The following SNTG1 variants were observed in gnomAD, a reference collection of about 807,000 sequenced individuals.
The protein encoded by SNTG1 is syntrophin gamma 1, also known as gamma-1-syntrophin.
In SNTG1, 39 loss-of-function variants were observed where a neutral mutation model predicts 74.7. The observed-to-expected ratio is 0.52, with a 90% confidence interval of 0.40 to 0.68. The LOEUF (loss-of-function observed/expected upper bound fraction) is 0.68. Ranked by LOEUF, SNTG1 falls within the 30% of genes least tolerant of loss-of-function variation. SNTG1 has a pLI of 0.00. For synonymous variants in SNTG1, 254 were observed against 217.1 expected (o/e 1.17, Z -1.49); for missense variants, 685 against 609.5 (o/e 1.12, Z -1.30).
chr8:50,249,073 G>C (rs2086527653), intron 2 of SNTG1, among the ~76,000 whole-genome samples: 1 of 152,026 alleles, frequency 6.6e-6, no homozygotes, highest in Admixed American at 6.6e-5. Context: ...TACTAGATCA[G>C]ATCACAGACA....
intron 9 of SNTG1, among the ~76,000 whole-genome samples, chr8:50,509,192 G>T (rs1198870819): frequency 4.6e-5 from 7 of 152,110 alleles, no homozygotes; most frequent in Admixed American, 1.3e-4. Flanking sequence ...TTTCCCCATT[G>T]CTTGTTTTTG....
At chr8:50,503,637 G>T (rs766317818) in intron 9 of SNTG1, among the ~76,000 whole-genome samples, 1 of 151,902 alleles carries the variant, frequency 6.6e-6, no homozygotes, top group African/African-American at 2.4e-5. Flanking sequence ...TTTTATTCTG[G>T]CGTCTTTCAT....
At chr8:50,336,660 C>G (rs961857123) in intron 2 of SNTG1, among the ~76,000 whole-genome samples, 10 of 152,114 alleles carry the variant, frequency 6.6e-5, no homozygotes, top group African/African-American at 2.4e-4. Flanking sequence ...TATGGTAAAC[C>G]CACACTATGT....
intron 1 of SNTG1, among the ~76,000 whole-genome samples, chr8:49,992,173 C>T (rs561869454): frequency 1.3e-5 from 2 of 152,076 alleles, no homozygotes; most frequent in South Asian, 4.2e-4. Context: ...AGAGACTTTC[C>T]AAATTACATT....
intron 9 of SNTG1, among the ~76,000 whole-genome samples, chr8:50,522,105 C>A (rs2094184333): frequency 6.6e-6 from 1 of 152,100 alleles, no homozygotes; most frequent in Non-Finnish European, 1.5e-5. Context: ...TGGCAGCTGT[C>A]CCTGTATTAA....
intron 17 of SNTG1, among the ~76,000 whole-genome samples, chr8:50,720,540 T>G (rs1431954254): frequency 6.6e-6 from 1 of 152,180 alleles, no homozygotes; most frequent in Non-Finnish European, 1.5e-5. Context: ...GGGTAGGTAC[T>G]TTCATGCAGT....
At chr8:50,557,606 A>G (rs2094464061) in intron 12 of SNTG1, among the ~76,000 whole-genome samples, 1 of 152,120 alleles carries the variant, frequency 6.6e-6, no homozygotes, top group Non-Finnish European at 1.5e-5. Flanking sequence ...TTCTGTGGTT[A>G]CATTGCTTCT....
intron 2 of SNTG1, among the ~76,000 whole-genome samples, chr8:50,373,372 T>A (rs923579617): frequency 1.3e-5 from 2 of 152,194 alleles, no homozygotes; most frequent in African/African-American, 4.8e-5. Context: ...ACTTGTTAAG[T>A]CTAGTGATCA....
At chr8:50,475,257 T>C (rs1280085245) in intron 8 of SNTG1, among the ~76,000 whole-genome samples, 1 of 151,464 alleles carries the variant, frequency 6.6e-6, no homozygotes, top group South Asian at 2.1e-4. Flanking sequence ...AAAAAGAGCA[T>C]GCAGTGGCAA....
At chr8:50,181,111 C>T (rs935404060) in intron 2 of SNTG1, among the ~76,000 whole-genome samples, 3 of 152,110 alleles carry the variant, frequency 2.0e-5, no homozygotes, top group Admixed American at 6.6e-5. Flanking sequence ...GCCAAGAGTA[C>T]TTCTCCCTCC....
chr8:50,660,372 AAGAAG>A (rs1563708278), intron 15 of SNTG1, among the ~76,000 whole-genome samples: 34 of 105,520 alleles, frequency 3.2e-4, no homozygotes, highest in African/African-American at 1.1e-3. Context: ...GAGAGAGAGA[AAGAAG>A]GAAGGAAGGA....
chr8:50,262,441 C>A (rs1321575729), intron 2 of SNTG1, among the ~76,000 whole-genome samples: 1 of 152,084 alleles, frequency 6.6e-6, no homozygotes. Flanking sequence ...GACGGAGTGT[C>A]GCTCTGTCAC....
At chr8:50,538,185 G>C (rs1469533876) in intron 11 of SNTG1, among the ~76,000 whole-genome samples, 1 of 152,046 alleles carries the variant, frequency 6.6e-6, no homozygotes, top group African/African-American at 2.4e-5. Context: ...CTTCCATTAA[G>C]ATTCCTTTAT....
intron 2 of SNTG1, among the ~76,000 whole-genome samples, chr8:50,173,658 G>A (rs745889155): frequency 2.6e-5 from 4 of 152,124 alleles, no homozygotes; most frequent in Admixed American, 6.5e-5. Flanking sequence ...CTGAGGCACT[G>A]AGGATTAAGC....
intron 1 of SNTG1, among the ~76,000 whole-genome samples, chr8:49,960,074 G>A (rs11777957): frequency 1.3e-5 from 2 of 152,044 alleles, no homozygotes; most frequent in Non-Finnish European, 2.9e-5. Flanking sequence ...ACCCACACAG[G>A]GTGCAACTGA....
chr8:50,437,492 A>G (rs73581394), intron 4 of SNTG1, among the ~76,000 whole-genome samples: 4,231 of 152,262 alleles, frequency 0.028, 188 homozygotes, highest in African/African-American at 0.095. Context: ...TAGTTCTTTT[A>G]AAATAATATT....
chr8:50,406,840 C>T (rs1354211518), intron 4 of SNTG1, among the ~76,000 whole-genome samples: 1 of 151,962 alleles, frequency 6.6e-6, no homozygotes, highest in African/African-American at 2.4e-5. Flanking sequence ...CTCTATAACT[C>T]GCTTTTCTTA....
chr8:50,390,549 C>T (rs979794078), intron 2 of SNTG1, among the ~76,000 whole-genome samples: 2 of 152,160 alleles, frequency 1.3e-5, no homozygotes, highest in Admixed American at 6.5e-5. Flanking sequence ...CTTGGCAATG[C>T]TGGCTCTTGT....
At chr8:50,738,729 GAATAGAGGCCTCAGA>G (rs1359217943) in intron 17 of SNTG1, among the ~76,000 whole-genome samples, 1 of 150,418 alleles carries the variant, frequency 6.6e-6, no homozygotes, top group Non-Finnish European at 1.5e-5. Context: ...CAATGGAACA[GAATAGAGGCCTCAGA>G]AATAACACCA....
Sources: gnomAD v4.1 joint callset for allele counts (sites outside exome capture counted in the v4.1 genomes callset) on GRCh38, gnomAD v4.1.1 for gene constraint, MANE v1.5 for transcripts, NCBI Gene and HGNC (gene_info 2026-07-23, HGNC 2026-07-21) for gene names.